Variants in RAB27B observed in about 807,000 individuals in gnomAD.
RAB27B encodes RAB27B, member RAS oncogene family, also known as ras-related protein Rab-27B.
In RAB27B, 15 loss-of-function variants were observed where a neutral mutation model predicts 24.6. The observed-to-expected ratio is 0.61, with a 90% CI of 0.41 to 0.94. RAB27B has a LOEUF of 0.94. Among genes scored for constraint, RAB27B ranks in the 40% least tolerant of loss-of-function variants. The pLI is 0.00. For missense variants in RAB27B, 261 were observed against 266.8 expected (o/e 0.98, Z 0.15); for synonymous variants, 105 against 92.5 (o/e 1.14, Z -0.78).
In RAB27B at chr18:54,845,458, G is replaced by A. The variant is rs550891551; in HGVS notation, c.-20+16758G>A. The stretch of plus-strand genomic sequence containing the variant: ...ATTTAGGAAGAAAATACGTCCCTTC[G>A]GATACCTCTAGCTAAGCAATAATGA... On this transcript the variant is annotated intron_variant, in intron 1 of 5. Transcript: ENST00000262094. Among the ~76,000 whole-genome samples the A allele has an allele frequency of 1.7e-4, 26 of 149,984 alleles. 1 individual carries two copies. The highest frequency in any genetic ancestry group is 3.2e-4 in the African/African-American group (13 of 40,916).
chr18:54,858,122 A>G (rs1911857384), intron 1 of RAB27B, among the ~76,000 whole-genome samples: 1 of 152,198 alleles, frequency 6.6e-6, no homozygotes, highest in South Asian at 2.1e-4. Flanking sequence ...TAGTTGATTA[A>G]CTACCGAGTA....
intron 1 of RAB27B, among the ~76,000 whole-genome samples, chr18:54,852,090 G>A (rs1468417683): frequency 6.6e-6 from 1 of 152,168 alleles, no homozygotes; most frequent in Non-Finnish European, 1.5e-5. Context: ...TGCACAAAAT[G>A]AGAAATGTTA....
intron 1 of RAB27B, among the ~76,000 whole-genome samples, chr18:54,870,242 A>G (rs1386001750): frequency 2.0e-5 from 3 of 152,310 alleles, no homozygotes; most frequent in South Asian, 2.1e-4. Context: ...TAAAAATGAT[A>G]CATCATGAAC....
chr18:54,893,096 C>A lies in RAB27B; in HGVS notation c.*3683C>A, dbSNP rs1913434545. On this transcript the variant is annotated 3_prime_UTR_variant, in exon 6 of 6. Coordinates refer to ENST00000262094, the MANE Select transcript of RAB27B (RefSeq NM_004163.4). ...TAGAAAGAGAAGCAATATTGTGCAA[C>A]TGGTGCAGTGGTGAGTTAATCATAG... 1 of 152,046 alleles carries A rather than the reference C, an allele frequency of 6.6e-6. No homozygotes were observed. The highest frequency in any genetic ancestry group is 1.5e-5 in the Non-Finnish European group (1 of 67,938). 9.4% of individuals were successfully genotyped at this position (152,046 alleles called of 1,614,324 possible). A position where few individuals can be genotyped will look rare whatever the true frequency, so the allele number is the denominator to read the frequency against.
intron 2 of RAB27B, among the ~76,000 whole-genome samples, chr18:54,794,917 G>GTTAC (rs1420756578): frequency 2.8e-5 from 3 of 107,936 alleles, no homozygotes; most frequent in Non-Finnish European, 7.4e-5. Context: ...TACATGGCTG[G>GTTAC]TTACTATATA....
chr18:54,743,348 G>A (rs774422449), intron 2 of RAB27B, among the ~76,000 whole-genome samples: 2 of 152,074 alleles, frequency 1.3e-5, no homozygotes, highest in Admixed American at 6.6e-5. Flanking sequence ...CCTCTTCTAG[G>A]GGCTGATAAT....
chr18:54,818,937 G>A (rs756791008), intron 2 of RAB27B, among the ~76,000 whole-genome samples: 1 of 151,584 alleles, frequency 6.6e-6, no homozygotes. Context: ...TAAATTGAAT[G>A]GTTCTAGCAT....
At chr18:54,855,186 G>A (rs938725823) in intron 1 of RAB27B, among the ~76,000 whole-genome samples, 6 of 152,164 alleles carry the variant, frequency 3.9e-5, no homozygotes. Context: ...ATGCTCCTGT[G>A]AGAATCTAAT....
chr18:54,812,548 TTAACACAC>T (rs1909996388), intron 2 of RAB27B, among the ~76,000 whole-genome samples: 1 of 84,370 alleles, frequency 1.2e-5, no homozygotes, highest in African/African-American at 3.5e-5. Context: ...TGGAACTCCT[TTAACACAC>T]ACACACACAC....
chr18:54,753,702 A>G (rs549333451), intron 2 of RAB27B, among the ~76,000 whole-genome samples: 10 of 152,356 alleles, frequency 6.6e-5, no homozygotes, highest in Admixed American at 1.3e-4. Context: ...GGTGCATTTA[A>G]TGTAATGAAC....
intron 1 of RAB27B, among the ~76,000 whole-genome samples, chr18:54,861,136 G>C (rs1234882414): frequency 6.6e-6 from 1 of 152,126 alleles, no homozygotes; most frequent in Non-Finnish European, 1.5e-5. Flanking sequence ...TGATTAGTTT[G>C]CCCTTTCTCA....
chr18:54,746,719 A>G (rs929062646), intron 2 of RAB27B, among the ~76,000 whole-genome samples: 5 of 152,194 alleles, frequency 3.3e-5, no homozygotes, highest in African/African-American at 1.2e-4. Context: ...AATTGAGAGA[A>G]TAATAGTGCC....
chr18:54,793,530 T>C (rs148745360), intron 2 of RAB27B, among the ~76,000 whole-genome samples: 36 of 152,338 alleles, frequency 2.4e-4, no homozygotes, highest in African/African-American at 8.4e-4. Context: ...TCCCAAGTTC[T>C]CAATTAAGGG....
At chr18:54,814,067 CATTTA>C (rs1205985017) in intron 2 of RAB27B, among the ~76,000 whole-genome samples, 1 of 152,174 alleles carries the variant, frequency 6.6e-6, no homozygotes, top group African/African-American at 2.4e-5. Context: ...CATCTATTTT[CATTTA>C]ATTAAGCACT....
intron 3 of RAB27B, 91 bp downstream of exon 3, chr18:54,879,545 A>G (rs1161820507): frequency 1.4e-5 from 14 of 1,013,472 alleles, no homozygotes; most frequent in South Asian, 1.3e-4. Context: ...AAAACAAATA[A>G]TATTCAACTC....
intron 3 of RAB27B, among the ~76,000 whole-genome samples, chr18:54,883,532 T>C (rs1213153362): frequency 6.6e-6 from 1 of 152,144 alleles, no homozygotes; most frequent in Admixed American, 6.6e-5. Context: ...ATTGCTCTTA[T>C]TGAAGTGAAT....
intron 2 of RAB27B, among the ~76,000 whole-genome samples, chr18:54,804,151 C>T (rs1299689970): frequency 6.6e-6 from 1 of 152,120 alleles, no homozygotes; most frequent in African/African-American, 2.4e-5. Context: ...CATGAGATGC[C>T]TATGCACATT....
chr18:54,823,519 A>G (rs1038212899), upstream of RAB27B, among the ~76,000 whole-genome samples: 2 of 152,192 alleles, frequency 1.3e-5, no homozygotes, highest in Non-Finnish European at 2.9e-5. Context: ...AGAGAGAAGA[A>G]ACCAAATATA....
chr18:54,808,375 G>A (rs1050324322), intron 2 of RAB27B, among the ~76,000 whole-genome samples: 3 of 152,114 alleles, frequency 2.0e-5, no homozygotes, highest in African/African-American at 7.2e-5. Context: ...ACTCATAAAT[G>A]CTTCCCCTGA....
Sources: gnomAD v4.1 joint callset for allele counts (sites outside exome capture counted in the v4.1 genomes callset) on GRCh38, gnomAD v4.1.1 for gene constraint, MANE v1.5 for transcripts, NCBI Gene and HGNC (gene_info 2026-07-23, HGNC 2026-07-21) for gene names.